Variants in NKAIN3 observed in about 807,000 individuals in gnomAD.
NKAIN3 encodes sodium/potassium-transporting ATPase subunit beta-1-interacting protein 3.
A neutral mutation model predicts 30.2 loss-of-function variants in NKAIN3; 25 were observed. The observed-to-expected ratio is 0.83, with a 90% CI of 0.60 to 1.16. The LOEUF (loss-of-function observed/expected upper bound fraction) is 1.16. Ranked by LOEUF, NKAIN3 falls within the 50% of genes most tolerant of loss-of-function variation. The pLI is 0.00. For synonymous variants in NKAIN3, 91 were observed against 89.6 expected (o/e 1.02, Z -0.09); for missense variants, 225 against 254.1 (o/e 0.89, Z 0.78).
At chr8:62,611,026 G>A (rs1811273296) in intron 3 of NKAIN3, among the ~76,000 whole-genome samples, 1 of 151,944 alleles carries the variant, frequency 6.6e-6, no homozygotes, top group South Asian at 2.1e-4. Flanking sequence ...TTCAGTGGGG[G>A]AAAAAAGCTA....
chr8:62,630,080 T>C (rs1425737459), intron 3 of NKAIN3, among the ~76,000 whole-genome samples: 1 of 152,096 alleles, frequency 6.6e-6, no homozygotes. Context: ...ATAGTCATTC[T>C]ATTTTATTAG....
intron 4 of NKAIN3, among the ~76,000 whole-genome samples, chr8:62,810,597 A>G (rs1325269784): frequency 6.7e-6 from 1 of 148,410 alleles, no homozygotes; most frequent in Non-Finnish European, 1.5e-5. Flanking sequence ...TGTTTTATTT[A>G]CCATATTATG....
intron 1 of NKAIN3, among the ~76,000 whole-genome samples, chr8:62,405,783 G>A (rs1157526112): frequency 6.6e-6 from 1 of 152,144 alleles, no homozygotes; most frequent in African/African-American, 2.4e-5. Flanking sequence ...CCAATTTGGT[G>A]TTCCCATGGA....
At chr8:62,954,788 C>G (rs796751422) in intron 6 of NKAIN3, among the ~76,000 whole-genome samples, 8 of 152,246 alleles carry the variant, frequency 5.3e-5, no homozygotes, top group African/African-American at 1.9e-4. Flanking sequence ...AATTAATATT[C>G]CCACTTTATA....
intron 3 of NKAIN3, among the ~76,000 whole-genome samples, chr8:62,601,110 T>C (rs181651263): frequency 6.6e-6 from 1 of 152,198 alleles, no homozygotes. Flanking sequence ...CCATTGTCTT[T>C]TATAAACATT....
At chr8:62,414,090 G>A (rs985367529) in intron 1 of NKAIN3, among the ~76,000 whole-genome samples, 1 of 152,096 alleles carries the variant, frequency 6.6e-6, no homozygotes. Context: ...GTATGTCTTT[G>A]ATTTGGGACT....
chr8:62,688,909 A>G (rs1813876862), intron 3 of NKAIN3, among the ~76,000 whole-genome samples: 1 of 152,068 alleles, frequency 6.6e-6, no homozygotes, highest in African/African-American at 2.4e-5. Context: ...ATGTTGAAAA[A>G]TCCTTTTTTA....
rs1468368950 is a variant in NKAIN3 at position 62,972,296 on chromosome 8, T to C, written c.*6889T>C. Among the ~76,000 whole-genome samples, 1 of 152,134 alleles carries C rather than the reference T, an allele frequency of 6.6e-6. No homozygotes were observed. Among genetic ancestry groups the C allele is most frequent in the South Asian group, 2.1e-4 (1 of 4,830 alleles). ...GAACATAATATCGGCTGAAGTGGAA[T>C]GAGTATTCAAATTGTCCAAAAAAAT... On this transcript the variant is annotated 3_prime_UTR_variant, in exon 7 of 7. Transcript: ENST00000623646.
intron 3 of NKAIN3, among the ~76,000 whole-genome samples, chr8:62,596,069 A>C (rs533089280): frequency 1.3e-5 from 2 of 152,184 alleles, no homozygotes; most frequent in Admixed American, 1.3e-4. Context: ...GATCCAGTAA[A>C]TAATAATTTG....
intron 1 of NKAIN3, among the ~76,000 whole-genome samples, chr8:62,274,636 G>A (rs1812875933): frequency 6.6e-6 from 1 of 151,650 alleles, no homozygotes; most frequent in African/African-American, 2.4e-5. Flanking sequence ...GGGTACATGT[G>A]CACAATGTGC....
At chr8:62,691,364 A>G (rs908668089) in intron 3 of NKAIN3, among the ~76,000 whole-genome samples, 21 of 152,024 alleles carry the variant, frequency 1.4e-4, no homozygotes, top group African/African-American at 4.8e-4. Context: ...CGCTGTTCCA[A>G]CTGTACGGCT....
intron 3 of NKAIN3, among the ~76,000 whole-genome samples, chr8:62,680,199 A>G (rs189666738): frequency 3.9e-5 from 6 of 152,300 alleles, no homozygotes; most frequent in Non-Finnish European, 7.3e-5. Flanking sequence ...CAGTCCTACA[A>G]GCACTTGGAA....
rs141136115 is a variant in NKAIN3 at position 62,975,713 on chromosome 8, C to T, written c.*10306C>T. On this transcript the variant is annotated 3_prime_UTR_variant, in exon 7 of 7. Coordinates refer to ENST00000623646, the MANE Select transcript of NKAIN3 (RefSeq NM_001304533.3). ...GTCTTCTGCTAGCTTTTGAAATAGTCTGCTCTTGTTTCTTTAATTCTTTTA... is the reference window on the plus strand; with the variant it reads ...GTCTTCTGCTAGCTTTTGAAATAGTTTGCTCTTGTTTCTTTAATTCTTTTA... 5.5e-4 allele frequency among the ~76,000 whole-genome samples: 84 copies of T among 152,142 alleles called. No homozygotes were observed. The highest frequency in any genetic ancestry group is 1.9e-3 in the South Asian group (9 of 4,816).
intron 4 of NKAIN3, among the ~76,000 whole-genome samples, chr8:62,765,246 C>CAAAAAAAAAAAAAAAAA (rs34477671): frequency 2.4e-5 from 1 of 42,504 alleles, no homozygotes; most frequent in African/African-American, 8.0e-5. Context: ...GACTCCATCT[C>CAAAAAAAAAAAAAAAAA]AAAAAAAAAA....
At chr8:62,883,784 A>T (rs1821064743) in intron 4 of NKAIN3, among the ~76,000 whole-genome samples, 1 of 151,804 alleles carries the variant, frequency 6.6e-6, no homozygotes, top group Non-Finnish European at 1.5e-5. Context: ...CTTACTTTGG[A>T]TTTAAATTGC....
At chr8:62,779,899 GA>G (rs1053248979) in intron 4 of NKAIN3, among the ~76,000 whole-genome samples, 28 of 151,220 alleles carry the variant, frequency 1.9e-4, no homozygotes, top group African/African-American at 6.3e-4. Context: ...AAGAACCTAG[GA>G]AAAAAAGAAC....
intron 3 of NKAIN3, among the ~76,000 whole-genome samples, chr8:62,723,159 A>C (rs1337777339): frequency 6.6e-6 from 1 of 152,168 alleles, no homozygotes; most frequent in African/African-American, 2.4e-5. Context: ...ATGCTTCAAA[A>C]ATGGAATAAC....
chr8:62,364,814 G>A (rs1217571751), intron 1 of NKAIN3, among the ~76,000 whole-genome samples: 2 of 89,868 alleles, frequency 2.2e-5, no homozygotes, highest in Admixed American at 3.7e-4. Flanking sequence ...GTGTGACAGA[G>A]CGAGACTCCA....
intron 4 of NKAIN3, among the ~76,000 whole-genome samples, chr8:62,891,514 C>T (rs1019036720): frequency 1.3e-5 from 2 of 152,150 alleles, no homozygotes; most frequent in Non-Finnish European, 1.5e-5. Flanking sequence ...AGTCAATTCT[C>T]GTAATAAACT....
Sources: gnomAD v4.1 joint callset for allele counts (sites outside exome capture counted in the v4.1 genomes callset) on GRCh38, gnomAD v4.1.1 for gene constraint, MANE v1.5 for transcripts, NCBI Gene and HGNC (gene_info 2026-07-23, HGNC 2026-07-21) for gene names.